Variants in ZNF35 observed in about 807,000 individuals in gnomAD.
ZNF35 encodes the protein zinc finger protein 35 (clone HF.10).
Under a neutral mutation model 45.9 loss-of-function variants are expected in ZNF35, and 31 were observed. The ratio of observed to expected loss-of-function variants is 0.68; its 90% CI spans 0.51 to 0.91. ZNF35 has a LOEUF of 0.91. Ranked by LOEUF, ZNF35 falls within the 40% of genes least tolerant of loss-of-function variation. ZNF35 has a pLI of 0.00. For synonymous variants in ZNF35, 205 were observed against 220.2 expected, an observed-to-expected ratio of 0.93 and a Z score of 0.61; for missense variants, 515 against 625.4, an observed-to-expected ratio of 0.82 and a Z score of 1.88.
intron 3 of ZNF35, among the ~76,000 whole-genome samples, chr3:44,657,878 C>G (rs1034931477): frequency 6.6e-6 from 1 of 152,230 alleles, no homozygotes; most frequent in African/African-American, 2.4e-5. Context: ...TGCACACATT[C>G]AGAGCACTGA....
chr3:44,659,968 C>T lies in ZNF35; in HGVS notation c.*21C>T. On this transcript the variant is annotated 3_prime_UTR_variant, in exon 4 of 4. Transcript: ENST00000396056. This position sits in a 1 kb window ranked among gnomAD's most constrained non-coding sequence, Gnocchi z 4.3. ...AATAACAAGTAAGGAAGAGGAAGAC[C>T]TCCAGCATTGGTCATAACCTTCTGC... 1 of 1,524,154 alleles carries T rather than the reference C, an allele frequency of 6.6e-7. No individual in the cohort carries two copies. Among genetic ancestry groups the T allele is most frequent in the Non-Finnish European group, 8.8e-7 (1 of 1,136,932 alleles). 94.4% of individuals were successfully genotyped at this position (1,524,154 alleles called of 1,614,324 possible).
rs2272044 is a variant in ZNF35, at chr3:44,651,072, C to G, written c.5C>G (p.Thr2Ser). Residue 2 changes from threonine to serine, a missense_variant, in exon 2 of 4, where the codon ACT becomes AGT. By Grantham distance (58) the Thr-to-Ser change is moderately conservative. Coordinates refer to ENST00000396056, the MANE Select transcript of ZNF35 (RefSeq NM_003420.4). ...TTCCCCTGCTGAGCAGAGAAGATGACTGCAGAATTGAGAGAAGCCATGGCC... is the reference window on the plus strand; with the variant it reads ...TTCCCCTGCTGAGCAGAGAAGATGAGTGCAGAATTGAGAGAAGCCATGGCC... M[T>S]AELREAMALA... 286,391 of 1,612,488 alleles carry G rather than the reference C, an allele frequency of 0.18. 39,540 individuals carry two copies. The highest frequency in any genetic ancestry group is 0.8 in the East Asian group (35,920 of 44,866).
At chr3:44,656,253 TAGC>T (rs1324127426) in intron 3 of ZNF35, among the ~76,000 whole-genome samples, 1 of 151,906 alleles carries the variant, frequency 6.6e-6, no homozygotes, top group Non-Finnish European at 1.5e-5. Flanking sequence ...GGGGTCGAGA[TAGC>T]AGGAAAAAAT....
intron 3 of ZNF35, 31 bp from the exon 4 acceptor site, chr3:44,658,670 T>C (rs1297790168): frequency 1.3e-6 from 2 of 1,530,538 alleles, no homozygotes; most frequent in East Asian, 4.5e-5. Flanking sequence ...CAGAGAAAGC[T>C]AACATTTGTA....
intron 1 of ZNF35, among the ~76,000 whole-genome samples, chr3:44,650,008 A>G (rs1057303283): frequency 2.0e-5 from 3 of 152,192 alleles, no homozygotes; most frequent in Non-Finnish European, 4.4e-5. Flanking sequence ...GAAGGTGAAC[A>G]TATAAGTATG....
At chr3:44,650,865 G>A in intron 1 of ZNF35, 76 bp from the exon 2 acceptor site, 1 of 513,164 alleles carries the variant, frequency 1.9e-6, no homozygotes, top group Non-Finnish European at 3.4e-6. Context: ...ATTTGCCGGT[G>A]TGGCATCCGG....
rs147923097 is a variant in ZNF35 at position 44,652,631 on chromosome 3, C to T, written c.267C>T (p.Gly89=). The T allele has an allele frequency of 5.1e-5, 82 of 1,610,854 alleles. No homozygotes were observed. The African/African-American group carries it at 7.3e-4, about 14-fold the overall frequency. The change falls in exon 3 of 4, where the codon GGC becomes GGT. Residue 89 remains glycine, a synonymous_variant. Transcript: ENST00000396056. ...TQEAPAASTL[G]SYSLPGTLAK... is the part of the protein sequence containing the mutation. Reference sequence around the variant, plus strand: ...AGGCACCTGCTGCTTCAACCCTTGGCAGCTACTCATTACCAGGGACTCTGG... The same window carrying T: ...AGGCACCTGCTGCTTCAACCCTTGGTAGCTACTCATTACCAGGGACTCTGG...
In ZNF35 at chr3:44,659,557, C is replaced by CTTTAGTTG; in HGVS notation, c.1198_1205dup (p.Phe402LeufsTer132). ...ATGAGTGTAAAGAGTGTGGGAAAGC[C>CTTTAGTTG]TTTAGTTGTTTTTCACACCTTATTG... On this transcript the variant is annotated frameshift_variant, in exon 4 of 4. Transcript: ENST00000396056. LOFTEE classifies it high-confidence loss of function. This position sits in a 1 kb window ranked among gnomAD's most constrained non-coding sequence, Gnocchi z 4.3. 6.2e-7 allele frequency: 1 copy of CTTTAGTTG among 1,613,878 alleles called. No homozygotes were observed. The highest frequency in any genetic ancestry group is 1.1e-5 in the South Asian group (1 of 91,064).
rs567126364 is a variant in ZNF35, at chr3:44,659,053, A to G, written c.690A>G (p.Gly230=). The change falls in exon 4 of 4, where the codon GGA becomes GGG. Residue 230 remains glycine (G), a synonymous_variant. Transcript: ENST00000396056. This position sits in a 1 kb window ranked among gnomAD's most constrained non-coding sequence, Gnocchi z 4.3. The part of the protein sequence containing the change: ...KPFTCSVCGK[G]FSQSANLVVH... Reference sequence around the variant, plus strand: ...TTACGTGTAGCGTGTGTGGGAAAGGATTTAGTCAGAGTGCAAACCTCGTTG... The same window carrying G: ...TTACGTGTAGCGTGTGTGGGAAAGGGTTTAGTCAGAGTGCAAACCTCGTTG... 4 of 1,614,214 alleles carry G rather than the reference A, an allele frequency of 2.5e-6. No homozygotes were observed. In the South Asian group the frequency reaches 3.3e-5, roughly 13 times the overall value.
At chr3:44,655,114 A>G (rs1053802016) in intron 3 of ZNF35, among the ~76,000 whole-genome samples, 2 of 152,200 alleles carry the variant, frequency 1.3e-5, no homozygotes, top group African/African-American at 4.8e-5. Flanking sequence ...AGCCTGGGCA[A>G]TAGAGCAAGA....
intron 2 of ZNF35, 71 bp from the exon 3 acceptor site, chr3:44,652,486 A>G: frequency 1.5e-6 from 2 of 1,365,818 alleles, no homozygotes; most frequent in Non-Finnish European, 9.6e-7. Context: ...TTATGTTCTC[A>G]TTCTCAAAAT....
At chr3:44,651,666 A>C (rs942753564) in intron 2 of ZNF35, among the ~76,000 whole-genome samples, 8 of 152,024 alleles carry the variant, frequency 5.3e-5, no homozygotes, top group African/African-American at 1.7e-4. Context: ...GTGTTTTGCA[A>C]TGCCGAAATA....
chr3:44,659,656 T>C lies in ZNF35; in HGVS notation c.1293T>C (p.Ser431=), dbSNP rs1263342142. ...SECGKAFSQL[S]CLIVHQRIHS... ...GTGGGAAAGCCTTCAGTCAGCTCTC[T>C]TGCCTTATTGTCCACCAGAGAATTC... Residue 431 remains serine, a synonymous_variant, in exon 4 of 4, where the codon TCT becomes TCC. Coordinates refer to ENST00000396056, the MANE Select transcript of ZNF35 (RefSeq NM_003420.4). This position sits in a 1 kb window ranked among gnomAD's most constrained non-coding sequence, Gnocchi z 4.3. 4 of 1,614,050 alleles carry C rather than the reference T, an allele frequency of 2.5e-6. No individual in the cohort carries two copies. The highest frequency in any genetic ancestry group is 3.4e-6 in the Non-Finnish European group (4 of 1,180,032).
In ZNF35 at chr3:44,652,626, C is replaced by A; in HGVS notation, c.262C>A (p.Leu88Ile). ...TCAGGAGGCACCTGCTGCTTCAACC[C>A]TTGGCAGCTACTCATTACCAGGGAC... ...ATQEAPAASTLGSYSLPGTLA... is the reference protein window; with the variant it reads ...ATQEAPAASTIGSYSLPGTLA... The change falls in exon 3 of 4, where the codon CTT (leucine) becomes ATT (isoleucine). Residue 88 changes from leucine (L) to isoleucine (I), a missense_variant. Transcript: ENST00000396056. 1 of 1,610,938 alleles carries A rather than the reference C, an allele frequency of 6.2e-7. No homozygotes were observed. The highest frequency in any genetic ancestry group is 8.5e-7 in the Non-Finnish European group (1 of 1,178,742).
chr3:44,658,989 C>A lies in ZNF35; in HGVS notation c.626C>A (p.Ala209Asp). 8 of 1,614,222 alleles carry A rather than the reference C, an allele frequency of 5.0e-6. No homozygotes were observed. Among genetic ancestry groups the A allele is most frequent in the Non-Finnish European group, 6.8e-6 (8 of 1,180,038 alleles). ...GGAAAATATAGCCTTAATTCTGGCGCTGTTAAAAATCCAAAAACCCAGCTT... is the reference window on the plus strand; with the variant it reads ...GGAAAATATAGCCTTAATTCTGGCGATGTTAAAAATCCAAAAACCCAGCTT... ...SGGKYSLNSG[A>D]VKNPKTQLGQ... is the part of the protein sequence containing the mutation. Residue 209 changes from alanine to aspartate, a missense_variant, in exon 4 of 4, where the codon GCT (alanine) becomes GAT (aspartate). Physicochemically the swap from Ala to Asp is moderately radical, Grantham distance 126. Around this residue, in one of 3 missense-constraint regions of ZNF35, gnomAD observed 275 missense variants for 295.7 expected, o/e 0.93. Transcript: ENST00000396056.
chr3:44,655,559 A>G (rs1465501984), intron 3 of ZNF35, among the ~76,000 whole-genome samples: 2 of 152,184 alleles, frequency 1.3e-5, no homozygotes, highest in African/African-American at 2.4e-5. Flanking sequence ...CAGTAATCCT[A>G]CATGTTTTTT....
chr3:44,648,329 T>TTAAA (rs1333226637), upstream of ZNF35: 1 of 152,182 alleles, frequency 6.6e-6, no homozygotes, highest in Non-Finnish European at 1.5e-5. Flanking sequence ...AAAAATGATT[T>TTAAA]TAAATATGTA....
At chr3:44,652,906 A>G (rs1703230334) in intron 3 of ZNF35, among the ~76,000 whole-genome samples, 1 of 152,218 alleles carries the variant, frequency 6.6e-6, no homozygotes, top group Non-Finnish European at 1.5e-5. Flanking sequence ...TCAAGACACT[A>G]GACAAACATA....
upstream of ZNF35, chr3:44,647,731 C>T (rs1703041955): frequency 6.6e-6 from 1 of 152,076 alleles, no homozygotes; most frequent in African/African-American, 2.4e-5. Flanking sequence ...ATTCATATAA[C>T]ATTCTCAAAA....
Sources: gnomAD v4.1 joint callset for allele counts (sites outside exome capture counted in the v4.1 genomes callset) on GRCh38, gnomAD v4.1.1 for gene constraint, gnomAD v4.1.1 regional missense constraint, Gnocchi (gnomAD v3.1) non-coding constraint, MANE v1.5 for transcripts, NCBI Gene and HGNC (gene_info 2026-07-23, HGNC 2026-07-21) for gene names.